The following CRTC3 variants were observed in gnomAD, a reference collection of about 807,000 sequenced individuals.
CRTC3 encodes the protein CREB-regulated transcription coactivator 3.
Under a neutral mutation model 74.5 loss-of-function variants are expected in CRTC3, and 26 were observed. The observed-to-expected ratio is 0.35, with a 90% confidence interval of 0.26 to 0.48. CRTC3 has a LOEUF of 0.48. Ranked by LOEUF, CRTC3 falls within the 20% of genes least tolerant of loss-of-function variation. The pLI is 0.99. For missense variants in CRTC3, 760 were observed against 787.3 expected (o/e 0.97, Z 0.41); for synonymous variants, 377 against 325.8 (o/e 1.16, Z -1.69).
At chr15:90,573,215 T>C (rs531436514) in intron 2 of CRTC3, among the ~76,000 whole-genome samples, 2 of 152,336 alleles carry the variant, frequency 1.3e-5, no homozygotes, top group Admixed American at 6.5e-5. Flanking sequence ...TCACAGGTGT[T>C]GCCTCTACTC....
intron 3 of CRTC3, chr15:90,595,994 C>T (rs934043279): frequency 3.3e-5 from 5 of 152,262 alleles, no homozygotes; most frequent in Non-Finnish European, 5.9e-5. Context: ...GGGAGCACGT[C>T]GGAGGTGCAG....
intron 3 of CRTC3, chr15:90,596,056 CT>C (rs1372115787): frequency 1.3e-5 from 2 of 152,226 alleles, no homozygotes; most frequent in Non-Finnish European, 1.5e-5. Context: ...ACATCTGAGG[CT>C]TGAAGGATAA....
At chr15:90,562,952 C>T (rs1386605480) in intron 2 of CRTC3, among the ~76,000 whole-genome samples, 2 of 152,190 alleles carry the variant, frequency 1.3e-5, no homozygotes, top group Non-Finnish European at 2.9e-5. Flanking sequence ...GGCTGCTGGG[C>T]ACTGGCCATG....
intron 2 of CRTC3, 69 bp from the exon 3 acceptor site, chr15:90,593,567 T>C (rs2151077886): frequency 1.9e-6 from 3 of 1,560,214 alleles, no homozygotes; most frequent in East Asian, 2.3e-5. Flanking sequence ...CCTGTTGTTA[T>C]CAGTTGTTCT....
At chr15:90,603,838 G>T (rs1468236063) in intron 4 of CRTC3, among the ~76,000 whole-genome samples, 1 of 152,198 alleles carries the variant, frequency 6.6e-6, no homozygotes, top group Non-Finnish European at 1.5e-5. Flanking sequence ...CCCACCTCAG[G>T]TAGGTTTTCA....
chr15:90,531,713 G>T (rs563586015), intron 1 of CRTC3, among the ~76,000 whole-genome samples: 139 of 152,272 alleles, frequency 9.1e-4, no homozygotes, highest in Non-Finnish European at 1.5e-3. Flanking sequence ...AAAAGAATGG[G>T]TGGGTGAAAG....
chr15:90,638,833 C>A lies in CRTC3; in HGVS notation c.1548+18C>A, dbSNP rs746359288. The A allele has an allele frequency of 1.3e-6, 2 of 1,592,444 alleles. No individual in the cohort carries two copies. The highest frequency in any genetic ancestry group is 3.3e-5 in the Admixed American group (2 of 59,988). ...CTCAACAGGTGGGTGATCGCCCCTGCCTTCTCCTCCCTTGGTGCATAAACT... is the reference window on the plus strand; with the variant it reads ...CTCAACAGGTGGGTGATCGCCCCTGACTTCTCCTCCCTTGGTGCATAAACT... On this transcript the variant is annotated intron_variant, in intron 13 of 14. Coordinates refer to ENST00000268184, the MANE Select transcript of CRTC3 (RefSeq NM_022769.5).
intron 2 of CRTC3, among the ~76,000 whole-genome samples, chr15:90,570,014 T>G (rs539894782): frequency 6.6e-6 from 1 of 152,188 alleles, no homozygotes; most frequent in Non-Finnish European, 1.5e-5. Flanking sequence ...ATTATGAATG[T>G]AAAGACTTCA....
chr15:90,638,138 A>G (rs1401435830), intron 11 of CRTC3: 2 of 344,832 alleles, frequency 5.8e-6, no homozygotes, highest in African/African-American at 4.5e-5. Flanking sequence ...ACCAGAAGAC[A>G]CGGCTATAAA....
intron 4 of CRTC3, among the ~76,000 whole-genome samples, chr15:90,603,219 A>G (rs191402327): frequency 2.1e-3 from 324 of 151,902 alleles, no homozygotes; most frequent in Middle Eastern, 6.8e-3. Context: ...CAAGGCGGGC[A>G]GATCACAAGC....
intron 2 of CRTC3, among the ~76,000 whole-genome samples, chr15:90,546,610 A>G (rs1448989646): frequency 1.3e-5 from 2 of 152,154 alleles, no homozygotes; most frequent in Non-Finnish European, 2.9e-5. Flanking sequence ...GTCTATAAAA[A>G]CACCTGCTAG....
chr15:90,616,491 G>T (rs901481051), intron 7 of CRTC3, among the ~76,000 whole-genome samples: 2 of 152,164 alleles, frequency 1.3e-5, no homozygotes, highest in Admixed American at 1.3e-4. Context: ...TCTTTCTGGG[G>T]TCCATTATTC....
intron 11 of CRTC3, among the ~76,000 whole-genome samples, chr15:90,633,692 C>A (rs1969125067): frequency 6.8e-6 from 1 of 147,648 alleles, no homozygotes; most frequent in South Asian, 2.2e-4. Context: ...TTCTTCCCTT[C>A]AGTTTTCTCT....
chr15:90,540,591 G>A (rs1266043980), intron 2 of CRTC3, among the ~76,000 whole-genome samples: 1 of 151,912 alleles, frequency 6.6e-6, no homozygotes, highest in East Asian at 1.9e-4. Flanking sequence ...CGGTCAACAT[G>A]GTGAAACCCC....
intron 11 of CRTC3, among the ~76,000 whole-genome samples, chr15:90,631,304 G>A (rs1378174759): frequency 2.0e-5 from 3 of 152,248 alleles, no homozygotes; most frequent in East Asian, 1.9e-4. Context: ...ACAATGGCAC[G>A]ATCGCGGCTC....
intron 2 of CRTC3, among the ~76,000 whole-genome samples, chr15:90,544,742 C>G (rs1020440050): frequency 2.6e-5 from 4 of 152,192 alleles, no homozygotes; most frequent in African/African-American, 9.7e-5. Context: ...CACATTCTTA[C>G]CAGCAGTGCA....
Position 90,625,728 on chromosome 15 carries a change from A to C in CRTC3, c.750-48A>C, listed in dbSNP as rs748248111. Reference sequence around the variant, plus strand: ...GGTTTCAGCCATGTTTGGTTTCCCAACAGCCAAATACATTGTAGAAAGTCA... The same window carrying C: ...GGTTTCAGCCATGTTTGGTTTCCCACCAGCCAAATACATTGTAGAAAGTCA... On this transcript the variant is annotated intron_variant, in intron 9 of 14. Transcript: ENST00000268184. 5.8e-6 allele frequency: 9 copies of C among 1,546,198 alleles called. 1 individual carries two copies. In the East Asian group the frequency reaches 6.8e-5, roughly 12 times the overall value.
chr15:90,547,996 C>T (rs534911724), intron 2 of CRTC3, among the ~76,000 whole-genome samples: 2 of 151,612 alleles, frequency 1.3e-5, no homozygotes, highest in African/African-American at 4.8e-5. Context: ...TCAAGGGATC[C>T]TCCTGTCTCA....
chr15:90,541,832 CAGG>C (rs1966808245), intron 2 of CRTC3, among the ~76,000 whole-genome samples: 1 of 133,780 alleles, frequency 7.5e-6, no homozygotes, highest in South Asian at 2.3e-4. Context: ...GTCGCCCAGG[CAGG>C]AGTGCAGTAG....
Sources: allele counts gnomAD v4.1 joint callset (sites outside exome capture counted in the v4.1 genomes callset), GRCh38; gene constraint gnomAD v4.1.1; transcripts MANE v1.5; gene names NCBI Gene and HGNC (gene_info 2026-07-23, HGNC 2026-07-21).